EPS15: variants seen among roughly 807,000 people sequenced by gnomAD.
EPS15 encodes the protein epidermal growth factor receptor pathway substrate 15.
Under a neutral mutation model 113.8 loss-of-function variants are expected in EPS15, and 72 were observed. The observed-to-expected ratio is 0.63, with a 90% CI of 0.52 to 0.77. The LOEUF is 0.77. EPS15 is among the 30% of genes least tolerant of loss of function. EPS15 has a pLI of 0.00. For missense variants in EPS15, 1,048 were observed against 1,045.8 expected (o/e 1.00, Z -0.03); for synonymous variants, 344 against 363.4 (o/e 0.95, Z 0.61).
rs766696030 is a variant in EPS15 at position 51,405,941 on chromosome 1, G to C, written c.1641C>G (p.Ser547Arg). 2 of 1,614,128 alleles carry C rather than the reference G, an allele frequency of 1.2e-6. No homozygotes were observed. Among genetic ancestry groups the C allele is most frequent in the East Asian group, 2.2e-5 (1 of 44,872 alleles). The change falls in exon 16 of 25, where the codon AGC becomes AGG. Residue 547 changes from serine to arginine, a missense_variant. Physicochemically the swap from Ser to Arg is moderately radical, Grantham distance 110 (BLOSUM62 -1). Coordinates refer to ENST00000371733, the MANE Select transcript of EPS15 (RefSeq NM_001981.3). ...ANLNEHVEGQ[S>R]NLESEPIHQE... ...GGTGTATGGGCTCAGACTCTAGGTT[G>C]CTCTGGCCTTCAACATGTTCATTAA...
chr1:51,372,253 T>C (rs1311534521), intron 21 of EPS15: 1 of 483,658 alleles, frequency 2.1e-6, no homozygotes, highest in East Asian at 6.5e-5. Context: ...TAGTGGGCGG[T>C]GTGTGTCAAG....
chr1:51,364,501 T>A (rs996583684), intron 22 of EPS15, among the ~76,000 whole-genome samples: 1 of 82,918 alleles, frequency 1.2e-5, no homozygotes, highest in African/African-American at 1.1e-4. Flanking sequence ...TGAAAGTCAA[T>A]TTTTTTTTTT....
chr1:51,499,808 CACATA>C (rs1454923045), intron 1 of EPS15, among the ~76,000 whole-genome samples: 6 of 152,160 alleles, frequency 3.9e-5, no homozygotes, highest in African/African-American at 1.2e-4. Flanking sequence ...TGGTAAAATA[CACATA>C]ACATAAAATT....
chr1:51,409,441 C>T (rs755745650), intron 14 of EPS15, 94 bp downstream of exon 14: 24 of 1,213,344 alleles, frequency 2.0e-5, no homozygotes, highest in Non-Finnish European at 2.8e-5. Flanking sequence ...CCAACCACCA[C>T]CATCAATAAC....
At chr1:51,508,385 A>AAAGAAAGAAAGAAAGAAAGG (rs1557537547) in intron 1 of EPS15, among the ~76,000 whole-genome samples, 16 of 146,374 alleles carry the variant, frequency 1.1e-4, no homozygotes, top group African/African-American at 3.7e-4. Context: ...AGAAAGAAAG[A>AAAGAAAGAAAGAAAGAAAGG]GAAAATTTAA....
chr1:51,408,085 A>G (rs183339453), intron 15 of EPS15, 50 bp downstream of exon 15: 14 of 1,488,718 alleles, frequency 9.4e-6, no homozygotes, highest in East Asian at 2.3e-5. Flanking sequence ...AACTGACTAA[A>G]GGACACAGAG....
At chr1:51,461,661 A>T (rs1488679641) in intron 7 of EPS15, 1 of 152,262 alleles carries the variant, frequency 6.6e-6, no homozygotes, top group Admixed American at 6.5e-5. Context: ...AGTTAGGTTT[A>T]AGTAATAAAA....
intron 8 of EPS15, among the ~76,000 whole-genome samples, chr1:51,457,354 A>C (rs949848238): frequency 2.6e-5 from 4 of 152,000 alleles, no homozygotes; most frequent in African/African-American, 9.7e-5. Flanking sequence ...AAATAATCTA[A>C]AGGACTCATT....
rs1164475943 is a variant in EPS15, at chr1:51,463,816, A to G, written c.376-18T>C. On this transcript the variant is annotated intron_variant, in intron 6 of 24. Transcript: ENST00000371733. ...TCTTCAGGCTACAATAAAAAACAAA[A>G]TCACAAGTTAAATAATAAGAGAAAA... 1 of 1,510,600 alleles carries G rather than the reference A, an allele frequency of 6.6e-7. No homozygotes were observed. The highest frequency in any genetic ancestry group is 9.0e-7 in the Non-Finnish European group (1 of 1,111,836). The allele number at this position is 1,510,600 out of a possible 1,614,324, so 93.6% of individuals were successfully genotyped here.
In EPS15 at chr1:51,399,159, A is replaced by G; in HGVS notation, c.1925T>C (p.Phe642Ser). Reference sequence around the variant, plus strand: ...TGAACCTTTGAAAGGATCACCACCAAATGGATCTAAAAAAATAAGGCACGA... The same window carrying G: ...TGAACCTTTGAAAGGATCACCACCAGATGGATCTAAAAAAATAAGGCACGA... The part of the protein sequence containing the change: ...KDDPFGKIDP[F>S]GGDPFKGSDP... The change falls in exon 20 of 25, where the codon TTT (phenylalanine) becomes TCT (serine). Residue 642 changes from phenylalanine to serine, a missense_variant. Physicochemically the swap from Phe to Ser is radical, Grantham distance 155. Coordinates refer to ENST00000371733, the MANE Select transcript of EPS15 (RefSeq NM_001981.3). The G allele has an allele frequency of 6.2e-7, 1 of 1,609,772 alleles. No individual in the cohort carries two copies. Among genetic ancestry groups the G allele is most frequent in the Non-Finnish European group, 8.5e-7 (1 of 1,178,936 alleles).
chr1:51,463,899 A>G lies in EPS15; in HGVS notation c.376-101T>C, dbSNP rs1276603981. ...TAAAGAATAGACTACATATGTTTTT[A>G]AACTATCATTTAAAAAACATTTTTC... On this transcript the variant is annotated intron_variant, in intron 6 of 24. Coordinates refer to ENST00000371733, the MANE Select transcript of EPS15 (RefSeq NM_001981.3). 7.0e-6 allele frequency: 4 copies of G among 574,392 alleles called. No individual in the cohort carries two copies. In the Admixed American group the frequency reaches 9.1e-5, roughly 13 times the overall value. 35.6% of individuals were successfully genotyped at this position (574,392 alleles called of 1,614,324 possible).
chr1:51,485,257 A>G (rs1345446598), intron 1 of EPS15, among the ~76,000 whole-genome samples: 4 of 152,236 alleles, frequency 2.6e-5, no homozygotes, highest in Admixed American at 6.5e-5. Flanking sequence ...AAAATAGTGC[A>G]ACAGAGCAAT....
intron 23 of EPS15, among the ~76,000 whole-genome samples, chr1:51,362,500 C>G (rs1320432638): frequency 2.0e-5 from 3 of 152,322 alleles, no homozygotes; most frequent in Admixed American, 1.3e-4. Context: ...AACAACCTCA[C>G]TATTGGCATC....
At chr1:51,502,529 T>TG in intron 1 of EPS15, among the ~76,000 whole-genome samples, 1 of 151,976 alleles carries the variant, frequency 6.6e-6, no homozygotes, top group Non-Finnish European at 1.5e-5. Flanking sequence ...GCATCTAGAT[T>TG]GGGGGAGGAA....
intron 1 of EPS15, chr1:51,518,302 A>T (rs1644763745): frequency 6.6e-6 from 1 of 152,438 alleles, no homozygotes; most frequent in African/African-American, 2.4e-5. Flanking sequence ...TTTGACAGGA[A>T]GCAACGAGGC....
In EPS15 at chr1:51,496,124, A is replaced by T. The variant is rs189757213; in HGVS notation, c.34-14810T>A. On this transcript the variant is annotated intron_variant, in intron 1 of 24. Transcript: ENST00000371733. The stretch of plus-strand genomic sequence containing the variant: ...TCCAAGTACTAGTCTAGGCACTTAC[A>T]CATTAAGCCCATTTAACCTGAGGCA... 1.0e-3 allele frequency among the ~76,000 whole-genome samples: 154 copies of T among 152,318 alleles called. 2 individuals are homozygous for T. Among genetic ancestry groups the T allele is most frequent in the African/African-American group, 3.7e-3 (153 of 41,594 alleles).
At chr1:51,494,838 C>A (rs1216050593) in intron 1 of EPS15, among the ~76,000 whole-genome samples, 1 of 152,224 alleles carries the variant, frequency 6.6e-6, no homozygotes, top group East Asian at 1.9e-4. Context: ...GTGCCCCACT[C>A]TACTTCATAT....
chr1:51,377,198 A>G (rs1357321094), intron 21 of EPS15, among the ~76,000 whole-genome samples: 2 of 152,196 alleles, frequency 1.3e-5, no homozygotes, highest in East Asian at 3.8e-4. Flanking sequence ...CAAGAGGCGG[A>G]AGTTGCAATG....
intron 1 of EPS15, among the ~76,000 whole-genome samples, chr1:51,494,268 T>C (rs1005250588): frequency 3.9e-5 from 6 of 152,206 alleles, no homozygotes; most frequent in Non-Finnish European, 2.9e-5. Context: ...TTCAAGCACC[T>C]TGTCCTCCAA....
Sources: gnomAD v4.1 joint callset for allele counts (sites outside exome capture counted in the v4.1 genomes callset) on GRCh38, gnomAD v4.1.1 for gene constraint, MANE v1.5 for transcripts, NCBI Gene and HGNC (gene_info 2026-07-23, HGNC 2026-07-21) for gene names.